The following ARHGAP24 variants were observed in gnomAD, a reference collection of about 807,000 sequenced individuals.
ARHGAP24 encodes the protein rho GTPase-activating protein 24.
ARHGAP24 carries 50 observed loss-of-function variants against 76.4 expected under a neutral mutation model. The ratio of observed to expected loss-of-function variants is 0.65; its 90% CI spans 0.52 to 0.83. The LOEUF is 0.83. ARHGAP24 is among the 40% of genes least tolerant of loss of function. The pLI is 0.00. For synonymous variants in ARHGAP24, 345 were observed against 323.3 expected, an observed-to-expected ratio of 1.07 and a Z score of -0.72; for missense variants, 930 against 914.2, an observed-to-expected ratio of 1.02 and a Z score of -0.22.
intron 2 of ARHGAP24, among the ~76,000 whole-genome samples, chr4:85,651,320 C>T (rs1038325006): frequency 1.3e-5 from 2 of 148,808 alleles, no homozygotes; most frequent in Non-Finnish European, 2.9e-5. Flanking sequence ...GGGAAAAGAT[C>T]GATAAGGAGA....
Position 85,690,812 on chromosome 4 carries a change from A to G in ARHGAP24, c.181-31073A>G, listed in dbSNP as rs965309537. On this transcript the variant is annotated intron_variant, in intron 2 of 9. Transcript: ENST00000395184. ...ACTCTTGGTTTCATCGATCTTTTGTATGGACTTTTGCATCTCAATTTTGCT... is the reference window on the plus strand; with the variant it reads ...ACTCTTGGTTTCATCGATCTTTTGTGTGGACTTTTGCATCTCAATTTTGCT... Among the ~76,000 whole-genome samples, 4 of 123,384 alleles carry G rather than the reference A, an allele frequency of 3.2e-5. No individual in the cohort carries two copies. The Admixed American group carries it at 3.5e-4, about 11-fold the overall frequency. The allele number at this position is 123,384 out of a possible 152,430, so 80.9% of individuals were successfully genotyped here. A position where few individuals can be genotyped will look rare whatever the true frequency, so the allele number is the denominator to read the frequency against.
At chr4:85,932,878 C>A (rs1294548123) in intron 4 of ARHGAP24, among the ~76,000 whole-genome samples, 1 of 152,122 alleles carries the variant, frequency 6.6e-6, no homozygotes, top group Non-Finnish European at 1.5e-5. Context: ...CAGTGGGGTC[C>A]TGGGAGCACG....
intron 1 of ARHGAP24, among the ~76,000 whole-genome samples, chr4:85,522,149 C>A (rs945566163): frequency 6.6e-6 from 1 of 152,038 alleles, no homozygotes. Context: ...AAATGCAAGT[C>A]CATCTGTTTT....
At chr4:85,488,839 C>T (rs574115986) in intron 1 of ARHGAP24, among the ~76,000 whole-genome samples, 5 of 152,228 alleles carry the variant, frequency 3.3e-5, no homozygotes, top group African/African-American at 1.2e-4. Context: ...AGATGAGAAA[C>T]ATTTTGGCTC....
At chr4:85,734,466 C>G (rs1394090929) in intron 3 of ARHGAP24, among the ~76,000 whole-genome samples, 2 of 152,050 alleles carry the variant, frequency 1.3e-5, no homozygotes, top group African/African-American at 4.8e-5. Flanking sequence ...TGCATCTAGA[C>G]AGAGGCAGAA....
intron 1 of ARHGAP24, among the ~76,000 whole-genome samples, chr4:85,526,172 A>G (rs1724983162): frequency 6.7e-6 from 1 of 149,058 alleles, no homozygotes; most frequent in African/African-American, 2.4e-5. Flanking sequence ...GGACTTTAGG[A>G]GGCCAAGATG....
chr4:85,775,404 TCA>T (rs1281169385), intron 3 of ARHGAP24, among the ~76,000 whole-genome samples: 4 of 152,204 alleles, frequency 2.6e-5, no homozygotes, highest in Non-Finnish European at 5.9e-5. Context: ...TTTAATGGAC[TCA>T]CAGTTCCATT....
rs1435435932 is a variant in ARHGAP24 at position 85,974,700 on chromosome 4, A to T, written c.733-188A>T. Among the ~76,000 whole-genome samples, 7 of 152,352 alleles carry T rather than the reference A, an allele frequency of 4.6e-5. No individual in the cohort carries two copies. In the East Asian group the frequency reaches 1.4e-3, roughly 29 times the overall value. The stretch of plus-strand genomic sequence containing the variant: ...CAAATAGTACTTATGGAGATATTTT[A>T]AATCCTTGTACATCTTTGAAAATAT... On this transcript the variant is annotated intron_variant, in intron 6 of 9. Transcript: ENST00000395184.
rs553171362 is a variant in ARHGAP24 at position 85,585,827 on chromosome 4, A to G, written c.180+15106A>G. Among the ~76,000 whole-genome samples the G allele has an allele frequency of 7.2e-5, 11 of 151,990 alleles. No individual in the cohort carries two copies. In the South Asian group the frequency reaches 2.3e-3, roughly 32 times the overall value. On this transcript the variant is annotated intron_variant, in intron 2 of 9. Transcript: ENST00000395184. ...GCTGAGACATTAGTCTCTTTTTCCT[A>G]CCTTTGGTTCCCCAGGGACTACTAT...
chr4:85,486,111 T>A (rs906112720), intron 1 of ARHGAP24, among the ~76,000 whole-genome samples: 1 of 152,166 alleles, frequency 6.6e-6, no homozygotes, highest in African/African-American at 2.4e-5. Flanking sequence ...TTGATTTATT[T>A]GATTTTATAG....
At chr4:85,556,382 C>T (rs144727244) in intron 1 of ARHGAP24, among the ~76,000 whole-genome samples, 3 of 152,222 alleles carry the variant, frequency 2.0e-5, no homozygotes, top group Non-Finnish European at 4.4e-5. Context: ...AGGCAAGACC[C>T]CTGCCTGGTG....
At chr4:85,591,030 G>GTT (rs1560544158) in intron 2 of ARHGAP24, among the ~76,000 whole-genome samples, 31 of 121,886 alleles carry the variant, frequency 2.5e-4, no homozygotes, top group African/African-American at 9.8e-4. Flanking sequence ...AAATCTGCTG[G>GTT]GTTTTTTTTT....
chr4:85,894,337 A>G (rs1029916452), intron 3 of ARHGAP24, among the ~76,000 whole-genome samples: 24 of 152,214 alleles, frequency 1.6e-4, no homozygotes, highest in African/African-American at 1.4e-4. Flanking sequence ...GAGGGTCACT[A>G]TTTATAGGGA....
chr4:85,746,695 G>T (rs1405511714), intron 3 of ARHGAP24, among the ~76,000 whole-genome samples: 1 of 152,048 alleles, frequency 6.6e-6, no homozygotes, highest in Non-Finnish European at 1.5e-5. Flanking sequence ...CTGTCACCCA[G>T]GCTGGAGTGC....
chr4:85,918,864 T>A (rs1735562597), intron 3 of ARHGAP24, among the ~76,000 whole-genome samples: 1 of 152,180 alleles, frequency 6.6e-6, no homozygotes, highest in African/African-American at 2.4e-5. Context: ...ACTAAAGCAT[T>A]GCTACCAACA....
At chr4:85,918,865 G>C (rs1204034989) in intron 3 of ARHGAP24, among the ~76,000 whole-genome samples, 1 of 152,058 alleles carries the variant, frequency 6.6e-6, no homozygotes, top group East Asian at 1.9e-4. Context: ...CTAAAGCATT[G>C]CTACCAACAA....
intron 3 of ARHGAP24, among the ~76,000 whole-genome samples, chr4:85,901,522 G>A (rs6531879): frequency 0.65 from 98,315 of 151,998 alleles, 32,574 homozygotes; most frequent in East Asian, 0.99. Flanking sequence ...TCTTAAATAT[G>A]ACAACATATT....
intron 3 of ARHGAP24, among the ~76,000 whole-genome samples, chr4:85,876,865 T>C (rs1353676178): frequency 6.6e-6 from 1 of 152,174 alleles, no homozygotes; most frequent in African/African-American, 2.4e-5. Flanking sequence ...GAAGTTCTTC[T>C]GGCACTACTT....
chr4:85,724,075 A>C (rs1725062813), intron 3 of ARHGAP24, among the ~76,000 whole-genome samples: 1 of 152,222 alleles, frequency 6.6e-6, no homozygotes, highest in African/African-American at 2.4e-5. Context: ...AGGAGGCAGC[A>C]AGGATTGCAG....
Sources: gnomAD v4.1 joint callset for allele counts (sites outside exome capture counted in the v4.1 genomes callset) on GRCh38, gnomAD v4.1.1 for gene constraint, MANE v1.5 for transcripts, NCBI Gene and HGNC (gene_info 2026-07-23, HGNC 2026-07-21) for gene names.